The following ASIC2 variants were observed in gnomAD, a reference collection of about 807,000 sequenced individuals.
ASIC2 encodes acid sensing ion channel subunit 2, also known as acid-sensing ion channel 2.
Under a neutral mutation model 57.3 loss-of-function variants are expected in ASIC2, and 25 were observed. The ratio of observed to expected loss-of-function variants is 0.44; its 90% CI spans 0.32 to 0.61. The LOEUF is 0.61. Ranked by LOEUF, ASIC2 falls within the 20% of genes least tolerant of loss-of-function variation. ASIC2 has a pLI of 0.06. For missense variants in ASIC2, 641 were observed against 738.1 expected (o/e 0.87, Z 1.52); for synonymous variants, 319 against 307.5 (o/e 1.04, Z -0.39).
At chr17:33,931,471 T>C (rs1410480068) in intron 1 of ASIC2, 3 of 152,252 alleles carry the variant, frequency 2.0e-5, no homozygotes, top group African/African-American at 7.2e-5. Context: ...ATTTCACTTC[T>C]GTCTTTTCTT....
At chr17:33,675,592 G>A (rs1907793036) in intron 1 of ASIC2, among the ~76,000 whole-genome samples, 1 of 151,222 alleles carries the variant, frequency 6.6e-6, no homozygotes. Context: ...AAAAAAAATT[G>A]ATACAGGGTC....
chr17:33,389,180 G>A (rs56248818), intron 1 of ASIC2, among the ~76,000 whole-genome samples: 14,882 of 151,882 alleles, frequency 0.098, 856 homozygotes, highest in Non-Finnish European at 0.13. Flanking sequence ...GGCTGGTCTC[G>A]AAATCCTGAG....
In ASIC2 at chr17:33,331,088, G is replaced by T. The variant is rs542670277; in HGVS notation, c.556-219021C>A. On this transcript the variant is annotated intron_variant, in intron 1 of 9. Transcript: ENST00000359872. Reference sequence around the variant, plus strand: ...TCCACCTCCTGTTAGATCAGCAGTGGTGTTAGATTCTTCTAGGAGCACAAA... The same window carrying T: ...TCCACCTCCTGTTAGATCAGCAGTGTTGTTAGATTCTTCTAGGAGCACAAA... Among the ~76,000 whole-genome samples, 8 of 152,258 alleles carry T rather than the reference G, an allele frequency of 5.3e-5. No homozygotes were observed. The East Asian group carries it at 1.5e-3, about 29-fold the overall frequency.
At chr17:33,538,287 C>T (rs897895284) in intron 1 of ASIC2, among the ~76,000 whole-genome samples, 21 of 152,142 alleles carry the variant, frequency 1.4e-4, no homozygotes, top group African/African-American at 4.6e-4. Context: ...TCGCATACCC[C>T]TGTAGGCAGA....
intron 1 of ASIC2, chr17:34,037,869 G>A: frequency 6.2e-7 from 1 of 1,613,894 alleles, no homozygotes; most frequent in Non-Finnish European, 8.5e-7. Context: ...TTCTCTTGTA[G>A]GATGTCTTGC....
chr17:33,545,473 G>C (rs375376621), intron 1 of ASIC2, among the ~76,000 whole-genome samples: 91 of 152,078 alleles, frequency 6.0e-4, no homozygotes, highest in African/African-American at 2.1e-3. Flanking sequence ...CCCGAGACGC[G>C]GATTTCTACT....
intron 3 of ASIC2, among the ~76,000 whole-genome samples, chr17:33,042,747 T>C (rs1325714878): frequency 2.0e-5 from 3 of 152,168 alleles, no homozygotes; most frequent in African/African-American, 2.4e-5. Flanking sequence ...AGAAAGAATA[T>C]ACCACAGCAG....
chr17:33,232,446 A>T (rs201738289), intron 1 of ASIC2, among the ~76,000 whole-genome samples: 300 of 127,970 alleles, frequency 2.3e-3, no homozygotes, highest in African/African-American at 6.6e-3. Flanking sequence ...TATGGTATGG[A>T]ATGGTATGGT....
intron 1 of ASIC2, among the ~76,000 whole-genome samples, chr17:34,079,588 G>T (rs959450651): frequency 1.3e-5 from 2 of 152,180 alleles, no homozygotes; most frequent in Non-Finnish European, 2.9e-5. Flanking sequence ...TGTATGTCAA[G>T]TCCTTGTAGG....
intron 1 of ASIC2, among the ~76,000 whole-genome samples, chr17:33,756,076 A>G (rs1910595993): frequency 6.6e-6 from 1 of 152,202 alleles, no homozygotes; most frequent in South Asian, 2.1e-4. Flanking sequence ...TGAACATTGC[A>G]CCCCAATACT....
At chr17:33,803,586 C>CTTTT (rs961357779) in intron 1 of ASIC2, among the ~76,000 whole-genome samples, 12 of 96,880 alleles carry the variant, frequency 1.2e-4, no homozygotes, top group Non-Finnish European at 2.2e-4. Flanking sequence ...TTTCCCTTTT[C>CTTTT]TTTTTTTTTT....
intron 1 of ASIC2, among the ~76,000 whole-genome samples, chr17:33,814,467 G>A (rs1597886965): frequency 6.6e-6 from 1 of 152,158 alleles, no homozygotes; most frequent in Non-Finnish European, 1.5e-5. Context: ...ACCATTACAA[G>A]CAGCCTCTAA....
At chr17:33,430,941 A>T (rs1911394709) in intron 1 of ASIC2, among the ~76,000 whole-genome samples, 1 of 152,196 alleles carries the variant, frequency 6.6e-6, no homozygotes, top group Admixed American at 6.5e-5. Context: ...AGGTATCCCC[A>T]TGGACCCTAA....
At chr17:33,968,203 C>T (rs1426507570) in intron 1 of ASIC2, among the ~76,000 whole-genome samples, 1 of 152,164 alleles carries the variant, frequency 6.6e-6, no homozygotes, top group Non-Finnish European at 1.5e-5. Flanking sequence ...AAATGACTTT[C>T]TCACAAGTTT....
At chr17:33,629,705 G>A (rs1906099771) in intron 1 of ASIC2, among the ~76,000 whole-genome samples, 1 of 152,138 alleles carries the variant, frequency 6.6e-6, no homozygotes, top group Non-Finnish European at 1.5e-5. Flanking sequence ...GAAAAAAACT[G>A]GAATCAGTGC....
At chr17:34,030,219 T>A (rs1416316065) in intron 1 of ASIC2, among the ~76,000 whole-genome samples, 1 of 152,240 alleles carries the variant, frequency 6.6e-6, no homozygotes, top group African/African-American at 2.4e-5. Flanking sequence ...GAGCAAAGAT[T>A]TCATGCACTT....
At chr17:33,942,917 A>G (rs1359369968) in intron 1 of ASIC2, among the ~76,000 whole-genome samples, 2 of 152,214 alleles carry the variant, frequency 1.3e-5, no homozygotes, top group Admixed American at 6.5e-5. Context: ...ATAGTTGGGT[A>G]TCACCATTCC....
intron 1 of ASIC2, among the ~76,000 whole-genome samples, chr17:33,877,846 G>C (rs900353526): frequency 4.6e-5 from 7 of 152,194 alleles, no homozygotes; most frequent in African/African-American, 1.7e-4. Context: ...AGCCTAACTG[G>C]GAGGCACCCC....
At chr17:33,936,837 A>G (rs1004429946) in intron 1 of ASIC2, 1 of 152,320 alleles carries the variant, frequency 6.6e-6, no homozygotes, top group South Asian at 2.1e-4. Flanking sequence ...AGAGACAAGC[A>G]TGAACACATC....
Sources: gnomAD v4.1 joint callset for allele counts (sites outside exome capture counted in the v4.1 genomes callset) on GRCh38, gnomAD v4.1.1 for gene constraint, MANE v1.5 for transcripts, NCBI Gene and HGNC (gene_info 2026-07-23, HGNC 2026-07-21) for gene names.